Variants in ZWILCH observed in about 807,000 individuals in gnomAD.
ZWILCH encodes protein zwilch homolog.
In ZWILCH, 74 loss-of-function variants were observed where a neutral mutation model predicts 79.9. The observed-to-expected ratio is 0.93, with a 90% CI of 0.77 to 1.12. The LOEUF (loss-of-function observed/expected upper bound fraction) is 1.12. ZWILCH is among the 50% of genes most tolerant of loss of function. ZWILCH has a pLI of 0.00. For missense variants in ZWILCH, 694 were observed against 687.5 expected (o/e 1.01, Z -0.11); for synonymous variants, 241 against 228.2 (o/e 1.06, Z -0.51).
chr15:66,507,300 A>G (rs1309034316), intron 1 of ZWILCH, among the ~76,000 whole-genome samples: 1 of 152,144 alleles, frequency 6.6e-6, no homozygotes, highest in East Asian at 1.9e-4. Flanking sequence ...CTACTTCTGA[A>G]TTCTGTCTCT....
rs1339584448 is a variant in ZWILCH, at chr15:66,528,962, G to T, written c.1075+5G>T. On this transcript the variant is annotated splice_donor_5th_base_variant and intron_variant, in intron 11 of 18. Coordinates refer to ENST00000307897, the MANE Select transcript of ZWILCH (RefSeq NM_017975.5). ...TGTGGTGCAAAATGAGCAGTAGTAG[G>T]TGTCCATCATGATTTAAATTTTTCC... is the stretch of plus-strand genomic sequence containing the variant. The T allele has an allele frequency of 6.8e-6, 11 of 1,608,596 alleles. No individual in the cohort carries two copies. The highest frequency in any genetic ancestry group is 1.3e-5 in the African/African-American group (1 of 74,942).
At chr15:66,531,979 A>G (rs1894865072) in intron 12 of ZWILCH, among the ~76,000 whole-genome samples, 1 of 152,062 alleles carries the variant, frequency 6.6e-6, no homozygotes, top group Admixed American at 6.5e-5. Flanking sequence ...AGGCAGGAGA[A>G]TTGCTTGAAC....
intron 15 of ZWILCH, 109 bp downstream of exon 15, chr15:66,536,178 C>G: frequency 9.2e-6 from 9 of 975,184 alleles, no homozygotes; most frequent in Non-Finnish European, 1.3e-5. Context: ...CCTCTTCATC[C>G]TGTCTTTACA....
intron 8 of ZWILCH, among the ~76,000 whole-genome samples, chr15:66,526,165 A>G (rs1310380216): frequency 6.6e-6 from 1 of 152,192 alleles, no homozygotes; most frequent in Non-Finnish European, 1.5e-5. Flanking sequence ...CATCCTTGAT[A>G]CTTCTGATAG....
chr15:66,547,165 A>G (rs1895401163), intron 18 of ZWILCH: 1 of 151,638 alleles, frequency 6.6e-6, no homozygotes, highest in Admixed American at 6.6e-5. Flanking sequence ...CATATTAACC[A>G]AAAGAATTAA....
Position 66,519,155 on chromosome 15 carries a change from A to G in ZWILCH, c.520+77A>G. The G allele has an allele frequency of 3.5e-6, 5 of 1,432,676 alleles. No homozygotes were observed. The South Asian group carries it at 5.9e-5, about 17-fold the overall frequency. The allele number at this position is 1,432,676 out of a possible 1,614,324, so 88.7% of individuals were successfully genotyped here. ...TATTGTTTCATGTTTTTTTACGAAA[A>G]TTGATATTGTTATGATGAAAGTGCA... is the stretch of plus-strand genomic sequence containing the variant. On this transcript the variant is annotated intron_variant, in intron 5 of 18. Transcript: ENST00000307897.
intron 12 of ZWILCH, among the ~76,000 whole-genome samples, chr15:66,531,840 G>A (rs1351327405): frequency 1.3e-5 from 2 of 152,078 alleles, no homozygotes; most frequent in African/African-American, 2.4e-5. Flanking sequence ...AGTCCGACGC[G>A]GGCGGATCAC....
At chr15:66,512,754 C>T (rs1401544932) in intron 2 of ZWILCH, among the ~76,000 whole-genome samples, 1 of 151,966 alleles carries the variant, frequency 6.6e-6, no homozygotes, top group African/African-American at 2.4e-5. Context: ...ATTATAGGCA[C>T]CCAGCACCAT....
intron 2 of ZWILCH, among the ~76,000 whole-genome samples, chr15:66,510,398 AAT>A (rs1475412184): frequency 0.012 from 1,859 of 148,850 alleles, 44 homozygotes; most frequent in African/African-American, 0.044. Flanking sequence ...AAAAAAAAAA[AAT>A]ATCAATGAGA....
chr15:66,537,250 A>T lies in ZWILCH; in HGVS notation c.1561A>T (p.Asn521Tyr). 10 of 1,612,676 alleles carry T rather than the reference A, an allele frequency of 6.2e-6. No homozygotes were observed. Among genetic ancestry groups the T allele is most frequent in the Non-Finnish European group, 8.5e-6 (10 of 1,179,722 alleles). Residue 521 changes from asparagine (N) to tyrosine (Y), a missense_variant, in exon 16 of 19, where the codon AAC becomes TAC. Asn to Tyr is a moderately radical substitution (Grantham distance 143, BLOSUM62 -2). Coordinates refer to ENST00000307897, the MANE Select transcript of ZWILCH (RefSeq NM_017975.5). ...QLPVRPTAVKNLYQSEKPQKW... is the reference protein window; with the variant it reads ...QLPVRPTAVKYLYQSEKPQKW... The stretch of plus-strand genomic sequence containing the variant: ...GCCAGTCAGACCAACTGCTGTAAAG[A>T]ACTTATATCAAAGGTAAGCAATTTT...
In ZWILCH at chr15:66,515,600, T is replaced by C. The variant is rs909078278; in HGVS notation, c.276T>C (p.Thr92=). 30 of 1,613,946 alleles carry C rather than the reference T, an allele frequency of 1.9e-5. No individual in the cohort carries two copies. Among genetic ancestry groups the C allele is most frequent in the Non-Finnish European group, 2.5e-5 (30 of 1,179,976 alleles). The change falls in exon 4 of 19, where the codon ACT becomes ACC. Residue 92 remains threonine (T), a synonymous_variant. Coordinates refer to ENST00000307897, the MANE Select transcript of ZWILCH (RefSeq NM_017975.5). ...AAACTGCCATATCTGATTTCTCTAC[T>C]GGCGAAAATGTTGGACCACTTGCTT... ...SEETAISDFS[T]GENVGPLALP... is the part of the protein sequence containing the mutation.
rs957868470 is a variant in ZWILCH at position 66,513,908 on chromosome 15, C to T, written c.106-80C>T. The T allele has an allele frequency of 3.1e-5, 35 of 1,147,354 alleles. No homozygotes were observed. In the African/African-American group the frequency reaches 4.7e-4, roughly 15 times the overall value. The allele number at this position is 1,147,354 out of a possible 1,614,324, so 71.1% of individuals were successfully genotyped here. ...CTTAAGGAAATTTTCCATTGACTTGCATAGAACTGGTCTTTATGTGTTTAG... is the reference window on the plus strand; with the variant it reads ...CTTAAGGAAATTTTCCATTGACTTGTATAGAACTGGTCTTTATGTGTTTAG... On this transcript the variant is annotated intron_variant, in intron 2 of 18. Coordinates refer to ENST00000307897, the MANE Select transcript of ZWILCH (RefSeq NM_017975.5).
chr15:66,514,075 GAAAA>G lies in ZWILCH; in HGVS notation c.195_198del (p.Lys66CysfsTer3). 4 of 1,604,552 alleles carry G rather than the reference GAAAA, an allele frequency of 2.5e-6. No individual in the cohort carries two copies. The highest frequency in any genetic ancestry group is 3.4e-6 in the Non-Finnish European group (4 of 1,176,176). ...TGAAAATGACATAGTATTCATAGTG[GAAAA>G]AGTGGTAAGTACTGGTTTGACTTTG... On this transcript the variant is annotated frameshift_variant, in exon 3 of 19. Transcript: ENST00000307897. LOFTEE classifies it high-confidence loss of function.
chr15:66,539,712 C>A lies in ZWILCH; in HGVS notation c.1575-386C>A, dbSNP rs1029344999. ...TCAGACATTCCACACTCTTAACCCT[C>A]GGTGCATACTCAACATTTCATTCCT... is the stretch of plus-strand genomic sequence containing the variant. On this transcript the variant is annotated intron_variant, in intron 16 of 18. Transcript: ENST00000307897. Among the ~76,000 whole-genome samples, 6 of 152,166 alleles carry A rather than the reference C, an allele frequency of 3.9e-5. No homozygotes were observed. In the South Asian group the frequency reaches 8.3e-4, roughly 21 times the overall value.
chr15:66,509,731 A>T (rs994403337), intron 2 of ZWILCH, among the ~76,000 whole-genome samples: 3 of 151,038 alleles, frequency 2.0e-5, no homozygotes, highest in Non-Finnish European at 4.4e-5. Context: ...GCAAACTAAA[A>T]TAAAGTATAC....
At chr15:66,523,798 A>G (rs780240812) in intron 8 of ZWILCH, 50 bp downstream of exon 8, 2 of 1,398,554 alleles carry the variant, frequency 1.4e-6, no homozygotes, top group Non-Finnish European at 2.0e-6. Context: ...TTTTATAAAC[A>G]TGTGTGCTAT....
At chr15:66,540,945 A>G (rs1012784828) in intron 17 of ZWILCH, among the ~76,000 whole-genome samples, 19 of 151,306 alleles carry the variant, frequency 1.3e-4, no homozygotes, top group Non-Finnish European at 2.5e-4. Context: ...GTTTTAAGTA[A>G]TTTTCCCGAA....
At chr15:66,510,451 A>C (rs1894017569) in intron 2 of ZWILCH, among the ~76,000 whole-genome samples, 1 of 151,998 alleles carries the variant, frequency 6.6e-6, no homozygotes. Flanking sequence ...AAAGGACACG[A>C]GTAAGTAATC....
rs77024500 is a variant in ZWILCH at position 66,532,497 on chromosome 15, C to T, written c.1312+94C>T. 1.1e-3 allele frequency: 1,237 copies of T among 1,128,232 alleles called. 13 individuals are homozygous for T. In the African/African-American group the frequency reaches 0.017, roughly 16 times the overall value. The allele number at this position is 1,128,232 out of a possible 1,614,324, so 69.9% of individuals were successfully genotyped here. A position where few individuals can be genotyped will look rare whatever the true frequency, so the allele number is the denominator to read the frequency against. ...TTTTCTGTTTCTGCTTGTCCCTCAT[C>T]GTCTGTAGTCCTTCCTGGCTTTGTA... On this transcript the variant is annotated intron_variant, in intron 13 of 18. Coordinates refer to ENST00000307897, the MANE Select transcript of ZWILCH (RefSeq NM_017975.5).
Sources: allele counts gnomAD v4.1 joint callset (sites outside exome capture counted in the v4.1 genomes callset), GRCh38; gene constraint gnomAD v4.1.1; transcripts MANE v1.5; gene names NCBI Gene and HGNC (gene_info 2026-07-23, HGNC 2026-07-21).